The following RFX4 variants were observed in gnomAD, a reference collection of about 807,000 sequenced individuals.
RFX4 encodes regulatory factor X4.
RFX4 carries 10 observed loss-of-function variants against 95.0 expected under a neutral mutation model. The observed-to-expected ratio is 0.11, with a 90% CI of 0.06 to 0.18. The LOEUF is 0.18. Among genes scored for constraint, RFX4 ranks in the 10% least tolerant of loss-of-function variants. The probability of loss-of-function intolerance (pLI) is 1.00; values close to 1 mark genes in which losing one functional copy is unlikely to be tolerated. For missense variants in RFX4, 640 were observed against 922.0 expected (o/e 0.69, Z 3.96); for synonymous variants, 321 against 340.7 (o/e 0.94, Z 0.64).
intron 4 of RFX4, among the ~76,000 whole-genome samples, chr12:106,680,253 G>T (rs1441630451): frequency 6.6e-6 from 1 of 152,116 alleles, no homozygotes; most frequent in Non-Finnish European, 1.5e-5. Context: ...CACTGGAGGT[G>T]GTCAGCTCCC....
intron 2 of RFX4, among the ~76,000 whole-genome samples, chr12:106,634,123 G>C (rs1158537070): frequency 6.6e-6 from 1 of 152,208 alleles, no homozygotes; most frequent in African/African-American, 2.4e-5. Flanking sequence ...AGAGGAGCTT[G>C]GATTCTCAGA....
intron 3 of RFX4, among the ~76,000 whole-genome samples, chr12:106,649,558 G>A (rs2040820083): frequency 6.6e-6 from 1 of 152,132 alleles, no homozygotes; most frequent in Non-Finnish European, 1.5e-5. Context: ...ACACCCATCT[G>A]ATTTGAATAG....
intron 17 of RFX4, among the ~76,000 whole-genome samples, chr12:106,758,279 C>T (rs2043145673): frequency 6.6e-6 from 1 of 152,206 alleles, no homozygotes; most frequent in African/African-American, 2.4e-5. Context: ...AGCACTTCAG[C>T]TAACTGGTCT....
intron 7 of RFX4, among the ~76,000 whole-genome samples, chr12:106,692,629 C>T (rs960056003): frequency 1.3e-5 from 2 of 152,040 alleles, no homozygotes; most frequent in Admixed American, 1.3e-4. Context: ...GACAAAGGGC[C>T]GAGAGTTCAG....
intron 1 of RFX4, among the ~76,000 whole-genome samples, chr12:106,602,903 C>T (rs1010510872): frequency 2.0e-5 from 3 of 152,064 alleles, no homozygotes; most frequent in Non-Finnish European, 2.9e-5. Context: ...CAAGGTCATT[C>T]GAACTTACAT....
At chr12:106,637,161 C>T (rs1270109580) in intron 2 of RFX4, among the ~76,000 whole-genome samples, 1 of 152,120 alleles carries the variant, frequency 6.6e-6, no homozygotes, top group African/African-American at 2.4e-5. Flanking sequence ...CAACATTCAC[C>T]TTTCTAGGAT....
chr12:106,696,666 T>C (rs1037302137), intron 8 of RFX4, among the ~76,000 whole-genome samples: 2 of 152,164 alleles, frequency 1.3e-5, no homozygotes, highest in East Asian at 1.9e-4. Context: ...AGGTATAAGA[T>C]GGTGTACAGT....
chr12:106,679,174 C>A (rs1450214087), intron 4 of RFX4, among the ~76,000 whole-genome samples: 1 of 152,182 alleles, frequency 6.6e-6, no homozygotes, highest in Non-Finnish European at 1.5e-5. Context: ...TGGTGCCTTA[C>A]TGGCCAAGTG....
At chr12:106,644,703 G>A (rs1035362504) in intron 3 of RFX4, among the ~76,000 whole-genome samples, 5 of 152,142 alleles carry the variant, frequency 3.3e-5, no homozygotes, top group Admixed American at 6.5e-5. Flanking sequence ...GTGTTGATGG[G>A]ATTGCAAAAT....
chr12:106,654,163 G>A (rs972296407), intron 3 of RFX4, 65 bp from the exon 4 acceptor site: 2 of 1,607,718 alleles, frequency 1.2e-6, no homozygotes, highest in Non-Finnish European at 1.7e-6. Context: ...GGACTAGAAA[G>A]AACAGACCGT....
At chr12:106,615,615 A>G (rs2040057165) in intron 2 of RFX4, among the ~76,000 whole-genome samples, 2 of 152,344 alleles carry the variant, frequency 1.3e-5, no homozygotes, top group Admixed American at 1.3e-4. Context: ...TATATGTTGT[A>G]TTAGAGCCTC....
In RFX4 at chr12:106,761,201, C is replaced by A. The variant is rs2043202747; in HGVS notation, c.1940C>A (p.Pro647His). 1 of 1,611,392 alleles carries A rather than the reference C, an allele frequency of 6.2e-7. No individual in the cohort carries two copies. Among genetic ancestry groups the A allele is most frequent in the Non-Finnish European group, 8.5e-7 (1 of 1,177,880 alleles). ...AATTTCTTTCCCCTCAACAAGTACC[C>A]TTTTAATAGCCCCACTTCCCGGATG... ...APYHRSSAQY[P>H]FNSPTSRMEP... Residue 647 changes from proline to histidine, a missense_variant, in exon 18 of 18, where the codon CCT becomes CAT. By Grantham distance (77) the Pro-to-His change is moderately conservative. Coordinates refer to ENST00000392842, the MANE Select transcript of RFX4 (RefSeq NM_213594.3).
At chr12:106,588,523 C>T (rs745483427) in intron 1 of RFX4, among the ~76,000 whole-genome samples, 5 of 152,200 alleles carry the variant, frequency 3.3e-5, no homozygotes, top group Admixed American at 2.0e-4. Flanking sequence ...TCTCTTCTCA[C>T]GCCTAGGCAT....
chr12:106,653,780 A>G (rs1002967615), intron 3 of RFX4, among the ~76,000 whole-genome samples: 2 of 152,140 alleles, frequency 1.3e-5, no homozygotes, highest in Non-Finnish European at 1.5e-5. Flanking sequence ...CCTCCATAGC[A>G]TTTGTCAGCC....
intron 6 of RFX4, among the ~76,000 whole-genome samples, chr12:106,687,549 C>CAAAAAAAAAAAAAAAAAAA (rs34562413): frequency 2.7e-5 from 2 of 73,904 alleles, no homozygotes; most frequent in African/African-American, 7.5e-5. Context: ...AACTCCATCT[C>CAAAAAAAAAAAAAAAAAAA]AAAAAAAAAA....
chr12:106,670,179 C>CT (rs1265950179), intron 4 of RFX4, among the ~76,000 whole-genome samples: 2 of 152,166 alleles, frequency 1.3e-5, no homozygotes, highest in Non-Finnish European at 2.9e-5. Flanking sequence ...TCCAGCCTTT[C>CT]TAGGTGCTCT....
At chr12:106,676,215 T>C (rs2041389603) in intron 4 of RFX4, among the ~76,000 whole-genome samples, 1 of 152,128 alleles carries the variant, frequency 6.6e-6, no homozygotes, top group Non-Finnish European at 1.5e-5. Flanking sequence ...GCAGAGTGCA[T>C]GCTGCGTGGC....
At chr12:106,640,778 CTTTTT>C (rs34232717) in intron 3 of RFX4, among the ~76,000 whole-genome samples, 2 of 123,608 alleles carry the variant, frequency 1.6e-5, no homozygotes. Context: ...AATTGACAGA[CTTTTT>C]TTTTTTTTTT....
chr12:106,596,732 T>C (rs1000854191), intron 1 of RFX4, among the ~76,000 whole-genome samples: 6 of 152,248 alleles, frequency 3.9e-5, no homozygotes, highest in Non-Finnish European at 7.3e-5. Context: ...AAAGTGTATT[T>C]TTCATTCCGA....
Sources: allele counts gnomAD v4.1 joint callset (sites outside exome capture counted in the v4.1 genomes callset), GRCh38; gene constraint gnomAD v4.1.1; transcripts MANE v1.5; gene names NCBI Gene and HGNC (gene_info 2026-07-23, HGNC 2026-07-21).